Variants in NRXN3 observed in about 807,000 individuals in gnomAD.
NRXN3 encodes neurexin 3.
In NRXN3, 32 loss-of-function variants were observed where a neutral mutation model predicts 137.6. The observed-to-expected ratio is 0.23, with a 90% CI of 0.18 to 0.31. The LOEUF is 0.31. Ranked by LOEUF, NRXN3 falls within the 10% of genes least tolerant of loss-of-function variation. The pLI, the probability that NRXN3 is intolerant of heterozygous loss-of-function variation, is 1.00. For missense variants in NRXN3, 1,574 were observed against 2,062.5 expected (o/e 0.76, Z 4.59); for synonymous variants, 798 against 784.5 (o/e 1.02, Z -0.29).
In NRXN3 at chr14:79,358,627, A is replaced by AAGAAAGAAAGAAAGAAAGAAAGAAAGAG. The variant is rs2093554740; in HGVS notation, c.3263-108567_3263-108566insGAGAAAGAAAGAAAGAAAGAAAGAAAGA. ...AGAAAGAGAAAGAAAGAAAGAAAGA[A>AAGAAAGAAAGAAAGAAAGAAAGAAAGAG]AGAAAGAAAGAAAGAAAGAAAGAAA... On this transcript the variant is annotated intron_variant, in intron 15 of 20. Coordinates refer to ENST00000335750, the MANE Select transcript of NRXN3 (RefSeq NM_001330195.2). 1.1e-4 allele frequency among the ~76,000 whole-genome samples: 16 copies of AAGAAAGAAAGAAAGAAAGAAAGAAAGAG among 147,806 alleles called. 2 individuals are homozygous for AAGAAAGAAAGAAAGAAAGAAAGAAAGAG. In the East Asian group the frequency reaches 2.0e-3, roughly 18 times the overall value.
chr14:78,532,387 G>GTT (rs2096479589), intron 4 of NRXN3, among the ~76,000 whole-genome samples: 1 of 139,800 alleles, frequency 7.2e-6, no homozygotes, highest in South Asian at 2.2e-4. Context: ...GTGTGTGTGT[G>GTT]TGTGTGTGTG....
intron 19 of NRXN3, among the ~76,000 whole-genome samples, chr14:79,756,773 A>T (rs2099021060): frequency 6.6e-6 from 1 of 152,200 alleles, no homozygotes; most frequent in African/African-American, 2.4e-5. Context: ...CATCCCTCTG[A>T]CCAAAATCTA....
chr14:79,359,514 T>C (rs977662375), intron 15 of NRXN3, among the ~76,000 whole-genome samples: 2 of 151,992 alleles, frequency 1.3e-5, no homozygotes, highest in Non-Finnish European at 2.9e-5. Flanking sequence ...TATTCTGTCC[T>C]ATATTAATTT....
At chr14:78,405,522 C>T (rs2092419724) in intron 4 of NRXN3, among the ~76,000 whole-genome samples, 1 of 149,306 alleles carries the variant, frequency 6.7e-6, no homozygotes, top group African/African-American at 2.5e-5. Flanking sequence ...CTCCTCATCT[C>T]AGAGTGTTTG....
At chr14:79,804,433 C>T (rs1320838621) in intron 19 of NRXN3, among the ~76,000 whole-genome samples, 9 of 152,064 alleles carry the variant, frequency 5.9e-5, no homozygotes, top group Admixed American at 3.3e-4. Flanking sequence ...TGCCTCAAGT[C>T]GAACTACTAT....
chr14:79,326,477 G>C (rs2090893219), intron 15 of NRXN3, among the ~76,000 whole-genome samples: 1 of 152,164 alleles, frequency 6.6e-6, no homozygotes, highest in African/African-American at 2.4e-5. Context: ...CTCACCGCAA[G>C]GACTTTTCTC....
chr14:78,417,530 G>C (rs1309678435), intron 4 of NRXN3, among the ~76,000 whole-genome samples: 1 of 152,144 alleles, frequency 6.6e-6, no homozygotes, highest in East Asian at 1.9e-4. Context: ...ACTACTAGAT[G>C]GACTGTGAGC....
intron 4 of NRXN3, among the ~76,000 whole-genome samples, chr14:78,342,519 T>G (rs2082255639): frequency 6.6e-6 from 1 of 152,222 alleles, no homozygotes; most frequent in African/African-American, 2.4e-5. Context: ...GTAAATTGTA[T>G]GTTTCACATT....
At chr14:79,473,741 C>T (rs1413249313) in intron 16 of NRXN3, among the ~76,000 whole-genome samples, 4 of 152,306 alleles carry the variant, frequency 2.6e-5, no homozygotes, top group South Asian at 2.1e-4. Flanking sequence ...TTCCTTCCAT[C>T]GCTATTTGTT....
chr14:78,799,977 A>T (rs1184896989), intron 8 of NRXN3, among the ~76,000 whole-genome samples: 1 of 152,226 alleles, frequency 6.6e-6, no homozygotes, highest in African/African-American at 2.4e-5. Flanking sequence ...CAGCCAAATC[A>T]TATCAATAAT....
At chr14:79,599,643 T>C (rs1181892499) in intron 16 of NRXN3, among the ~76,000 whole-genome samples, 1 of 152,264 alleles carries the variant, frequency 6.6e-6, no homozygotes, top group Non-Finnish European at 1.5e-5. Flanking sequence ...GAGCTTTCTC[T>C]GTTCCAAGCA....
chr14:78,949,845 T>C (rs2099383809), intron 10 of NRXN3, among the ~76,000 whole-genome samples: 1 of 152,148 alleles, frequency 6.6e-6, no homozygotes. Flanking sequence ...AAATTCATAA[T>C]TGGATATATA....
intron 4 of NRXN3, among the ~76,000 whole-genome samples, chr14:78,577,681 T>G (rs2096950724): frequency 1.3e-5 from 2 of 152,280 alleles, no homozygotes; most frequent in South Asian, 4.1e-4. Context: ...GTCAGGCTGG[T>G]CTCGAACTCC....
chr14:79,612,583 T>C (rs554885087), intron 16 of NRXN3, among the ~76,000 whole-genome samples: 1 of 152,310 alleles, frequency 6.6e-6, no homozygotes, highest in South Asian at 2.1e-4. Flanking sequence ...CCACCATGGC[T>C]CAAGCCTGTA....
At chr14:78,471,646 G>A (rs75402828) in intron 4 of NRXN3, among the ~76,000 whole-genome samples, 2,585 of 152,068 alleles carry the variant, frequency 0.017, 73 homozygotes, top group African/African-American at 0.06. Flanking sequence ...TTTTACCCTC[G>A]TTATTTCTCT....
chr14:78,810,035 AT>A (rs1304048426), intron 9 of NRXN3, among the ~76,000 whole-genome samples: 7 of 144,482 alleles, frequency 4.8e-5, no homozygotes, highest in South Asian at 2.2e-4. Context: ...AAAAAAAAAA[AT>A]GTTTGGTGTC....
At chr14:79,758,256 CA>C in intron 19 of NRXN3, among the ~76,000 whole-genome samples, 1 of 152,138 alleles carries the variant, frequency 6.6e-6, no homozygotes, top group South Asian at 2.1e-4. Context: ...GAGTAATTTA[CA>C]AAGAAAAGAG....
chr14:79,345,346 T>C (rs1264722844), intron 15 of NRXN3, among the ~76,000 whole-genome samples: 1 of 152,196 alleles, frequency 6.6e-6, no homozygotes, highest in Non-Finnish European at 1.5e-5. Flanking sequence ...TTACTTGCTT[T>C]AGGTGGGTAA....
chr14:79,201,007 G>T lies in NRXN3; in HGVS notation c.3262+212866G>T, dbSNP rs550609988. On this transcript the variant is annotated intron_variant, in intron 15 of 20. Transcript: ENST00000335750. ...AGCTAAATAATACTAAGAAATTTAG[G>T]CTTTCTTTATGGTCATTTCTTCCCA... 3 of 151,888 alleles carry T rather than the reference G, an allele frequency of 2.0e-5. No homozygotes were observed. The East Asian group carries it at 5.8e-4, about 29-fold the overall frequency. 9.4% of individuals were successfully genotyped at this position (151,888 alleles called of 1,614,324 possible). A position where few individuals can be genotyped will look rare whatever the true frequency, so the allele number is the denominator to read the frequency against.
Sources: gnomAD v4.1 joint callset for allele counts (sites outside exome capture counted in the v4.1 genomes callset) on GRCh38, gnomAD v4.1.1 for gene constraint, MANE v1.5 for transcripts, NCBI Gene and HGNC (gene_info 2026-07-23, HGNC 2026-07-21) for gene names.